TAPT1: variants seen among roughly 807,000 people sequenced by gnomAD.
TAPT1 encodes transmembrane anterior posterior transformation protein 1 homolog.
TAPT1 carries 28 observed loss-of-function variants against 65.6 expected under a neutral mutation model. The ratio of observed to expected loss-of-function variants is 0.43; its 90% CI spans 0.32 to 0.59. The LOEUF is 0.59. TAPT1 is among the 20% of genes least tolerant of loss of function. The pLI, the probability that TAPT1 is intolerant of heterozygous loss-of-function variation, is 0.09. For missense variants in TAPT1, 563 were observed against 679.9 expected (o/e 0.83, Z 1.91); for synonymous variants, 278 against 245.2 (o/e 1.13, Z -1.25).
chr4:16,188,511 A>G (rs908963109), intron 4 of TAPT1, among the ~76,000 whole-genome samples, 156 bp from the exon 5 acceptor site: 3 of 152,216 alleles, frequency 2.0e-5, no homozygotes, highest in Non-Finnish European at 4.4e-5. Flanking sequence ...TTATTCACTC[A>G]CATTTCTTTA....
chr4:16,191,539 A>G lies in TAPT1; in HGVS notation c.450-16T>C. 1 of 1,549,166 alleles carries G rather than the reference A, an allele frequency of 6.5e-7. No homozygotes were observed. The highest frequency in any genetic ancestry group is 8.7e-7 in the Non-Finnish European group (1 of 1,145,790). On this transcript the variant is annotated splice_polypyrimidine_tract_variant and intron_variant, in intron 3 of 13. Transcript: ENST00000405303. ...ACGTCTGTCCCTGAAACATACAAGA[A>G]GTAATAAAAATATAATTTTTACTCT...
chr4:16,191,404 C>G lies in TAPT1; in HGVS notation c.569G>C (p.Gly190Ala). The G allele has an allele frequency of 4.4e-6, 7 of 1,600,586 alleles. No homozygotes were observed. The highest frequency in any genetic ancestry group is 6.0e-6 in the Non-Finnish European group (7 of 1,173,516). Reference sequence around the variant, plus strand: ...GATGTAGAGCTTGATGACGGACTGCCCCCTTATCAGGTGGTACATCATGGA... The same window carrying G: ...GATGTAGAGCTTGATGACGGACTGCGCCCTTATCAGGTGGTACATCATGGA... ...DYSMMYHLIR[G>A]QSVIKLYIIY... The change falls in exon 4 of 14, where the codon GGG (glycine) becomes GCG (alanine). Residue 190 changes from glycine to alanine, a missense_variant. Physicochemically the swap from Gly to Ala is moderately conservative, Grantham distance 60. Coordinates refer to ENST00000405303, the MANE Select transcript of TAPT1 (RefSeq NM_153365.3).
intron 11 of TAPT1, 112 bp downstream of exon 11, chr4:16,174,092 C>A: frequency 1.1e-6 from 1 of 896,550 alleles, no homozygotes; most frequent in South Asian, 2.0e-5. Flanking sequence ...AGTTATTTAC[C>A]CTTAATTTTT....
Position 16,166,789 on chromosome 4 carries a change from T to A in TAPT1, c.1318A>T (p.Ile440Leu). ...ATGCTATTAAGTACTTTCAGGGATA[T>A]CAACCTAAAAACAGAAACAAAACAA... is the stretch of plus-strand genomic sequence containing the variant. ...ACVILFYFGL[I>L]SLKVLNSIVL... Residue 440 changes from isoleucine to leucine, a missense_variant, in exon 13 of 14, where the codon ATA (isoleucine) becomes TTA (leucine). Transcript: ENST00000405303. 1 of 1,613,528 alleles carries A rather than the reference T, an allele frequency of 6.2e-7. No individual in the cohort carries two copies. The highest frequency in any genetic ancestry group is 1.1e-5 in the South Asian group (1 of 91,076).
intron 4 of TAPT1, chr4:16,190,878 C>A (rs906072595): frequency 5.8e-5 from 9 of 155,416 alleles, no homozygotes; most frequent in Middle Eastern, 5.2e-4. Context: ...ATGTAAAGAT[C>A]TGAATTTAAA....
intron 11 of TAPT1, among the ~76,000 whole-genome samples, chr4:16,171,964 CT>C (rs1268071302): frequency 2.6e-5 from 4 of 152,014 alleles, no homozygotes; most frequent in African/African-American, 4.8e-5. Context: ...ATCCTTGTGC[CT>C]TAATTAAAGA....
At chr4:16,212,456 C>G (rs1750697878) in intron 2 of TAPT1, among the ~76,000 whole-genome samples, 1 of 152,176 alleles carries the variant, frequency 6.6e-6, no homozygotes, top group Admixed American at 6.5e-5. Context: ...CTGGTTTAAT[C>G]TTTTATTTTT....
At chr4:16,194,625 T>C (rs1749579676) in intron 3 of TAPT1, among the ~76,000 whole-genome samples, 1 of 152,160 alleles carries the variant, frequency 6.6e-6, no homozygotes, top group Non-Finnish European at 1.5e-5. Context: ...CTATCTATCA[T>C]TTGGTATTTC....
Position 16,180,718 on chromosome 4 carries a change from G to A in TAPT1, c.917-1061C>T, listed in dbSNP as rs141711977. 1.5e-3 allele frequency among the ~76,000 whole-genome samples: 225 copies of A among 152,172 alleles called. 2 individuals carry two copies. The South Asian group carries it at 0.025, about 17-fold the overall frequency. On this transcript the variant is annotated intron_variant, in intron 7 of 13. Transcript: ENST00000405303. The stretch of plus-strand genomic sequence containing the variant: ...CAGCAAAACCTTATTCTCTGTAAGC[G>A]AGTTGGCCTTTATTCTCTGTACCTT...
At chr4:16,179,788 T>TTATATATATATATATGTGTGTATATA (rs1748595071) in intron 7 of TAPT1, 131 bp from the exon 8 acceptor site, 5 of 431,752 alleles carry the variant, frequency 1.2e-5, no homozygotes, top group African/African-American at 1.1e-4. Context: ...ATATACAACT[T>TTATATATATATATATGTGTGTATATA]TATATATATA....
chr4:16,214,057 AT>A (rs1202807448), intron 1 of TAPT1, among the ~76,000 whole-genome samples, 159 bp from the exon 2 acceptor site: 1 of 152,240 alleles, frequency 6.6e-6, no homozygotes, highest in Non-Finnish European at 1.5e-5. Context: ...ATCAGCAAGT[AT>A]TTTTGAGAAA....
upstream of TAPT1, chr4:16,226,487 C>T: frequency 9.6e-7 from 1 of 1,045,182 alleles, no homozygotes; most frequent in East Asian, 7.9e-5. Context: ...GTCCCCGCCG[C>T]CTCCCTCCAG....
chr4:16,190,413 A>G (rs1749299904), intron 4 of TAPT1: 2 of 151,870 alleles, frequency 1.3e-5, no homozygotes, highest in South Asian at 2.1e-4. Context: ...ATTTCAGCTC[A>G]CTACAACCTC....
At chr4:16,225,964 G>A (rs1015759462) in intron 1 of TAPT1, 98 of 993,042 alleles carry the variant, frequency 9.9e-5, no homozygotes, top group Non-Finnish European at 1.1e-4. Context: ...AAGACCTTCC[G>A]AGGGCGATGC....
rs545837934 is a variant in TAPT1 at position 16,217,149 on chromosome 4, C to T, written c.200-3251G>A. On this transcript the variant is annotated intron_variant, in intron 1 of 13. Transcript: ENST00000405303. ...TGAAGACTTCCCTAAGTTTCTCAGG[C>T]AGAGTCTGTCCTTTCCCCTACTCGG... Among the ~76,000 whole-genome samples the T allele has an allele frequency of 1.4e-4, 22 of 152,316 alleles. No homozygotes were observed. The East Asian group carries it at 2.5e-3, about 17-fold the overall frequency.
At chr4:16,210,019 T>C (rs1465604642) in intron 2 of TAPT1, among the ~76,000 whole-genome samples, 1 of 152,176 alleles carries the variant, frequency 6.6e-6, no homozygotes, top group Non-Finnish European at 1.5e-5. Flanking sequence ...CTGTTTCTGT[T>C]ATAACTGTAG....
chr4:16,175,543 C>A (rs751041585), intron 9 of TAPT1, among the ~76,000 whole-genome samples: 12 of 152,046 alleles, frequency 7.9e-5, no homozygotes, highest in Admixed American at 2.0e-4. Context: ...GGGACTGAGA[C>A]AGGAATGAGA....
chr4:16,179,687 G>T, intron 7 of TAPT1, 30 bp from the exon 8 acceptor site: 1 of 1,189,418 alleles, frequency 8.4e-7, no homozygotes, highest in Non-Finnish European at 1.2e-6. Context: ...CATAAGTACT[G>T]TAGTGTATAT....
chr4:16,201,276 T>C (rs1750013351), intron 3 of TAPT1, among the ~76,000 whole-genome samples: 1 of 152,176 alleles, frequency 6.6e-6, no homozygotes, highest in Admixed American at 6.5e-5. Context: ...AAAGAACCTT[T>C]CATGGCTTCA....
Sources: gnomAD v4.1 joint callset for allele counts (sites outside exome capture counted in the v4.1 genomes callset) on GRCh38, gnomAD v4.1.1 for gene constraint, MANE v1.5 for transcripts, NCBI Gene and HGNC (gene_info 2026-07-23, HGNC 2026-07-21) for gene names.